ANKRD45: variants seen among roughly 807,000 people sequenced by gnomAD.
ANKRD45 encodes ankyrin repeat domain 45.
A neutral mutation model predicts 28.1 loss-of-function variants in ANKRD45; 21 were observed. The ratio of observed to expected loss-of-function variants is 0.75; its 90% CI spans 0.53 to 1.08. The LOEUF (loss-of-function observed/expected upper bound fraction) is 1.08. Ranked by LOEUF, ANKRD45 falls within the 50% of genes least tolerant of loss-of-function variation. ANKRD45 has a pLI of 0.00. For missense variants in ANKRD45, 261 were observed against 308.7 expected, an observed-to-expected ratio of 0.85 and a Z score of 1.16; for synonymous variants, 86 against 103.9, an observed-to-expected ratio of 0.83 and a Z score of 1.05.
the ANKRD45 span, among the ~76,000 whole-genome samples, chr1:173,708,323 C>T: frequency 6.6e-6 from 1 of 152,204 alleles, no homozygotes; most frequent in East Asian, 1.9e-4. Flanking sequence ...GCCATGAGGG[C>T]TCCACACTCA....
At chr1:173,686,562 C>A in the ANKRD45 span, among the ~76,000 whole-genome samples, 17 of 152,264 alleles carry the variant, frequency 1.1e-4, no homozygotes, top group African/African-American at 3.6e-4. Context: ...ACCAAAAAAT[C>A]TTGGGGTGGT....
chr1:173,695,062 C>T, the ANKRD45 span, among the ~76,000 whole-genome samples: 1 of 152,086 alleles, frequency 6.6e-6, no homozygotes, highest in Non-Finnish European at 1.5e-5. Flanking sequence ...AGTTCTCTGG[C>T]CCTTCCTACC....
chr1:173,691,190 C>T, the ANKRD45 span, among the ~76,000 whole-genome samples: 1 of 152,182 alleles, frequency 6.6e-6, no homozygotes, highest in Admixed American at 6.5e-5. Flanking sequence ...AGAGTCATTG[C>T]TGCAGTATGT....
chr1:173,646,794 A>C, intron 3 of ANKRD45, 52 bp downstream of exon 3: 2 of 1,570,822 alleles, frequency 1.3e-6, no homozygotes, highest in Non-Finnish European at 8.7e-7. Context: ...AACTCATAGG[A>C]GAAAAACTCA....
chr1:173,708,252 T>A, the ANKRD45 span, among the ~76,000 whole-genome samples: 1 of 152,234 alleles, frequency 6.6e-6, no homozygotes, highest in East Asian at 1.9e-4. Context: ...CCAAATTTCA[T>A]GTTGAAATGT....
At chr1:173,709,614 G>A in the ANKRD45 span, among the ~76,000 whole-genome samples, 2 of 151,776 alleles carry the variant, frequency 1.3e-5, 1 homozygote, top group Admixed American at 1.3e-4. Context: ...ACCATATCTG[G>A]GCACCCTACT....
At chr1:173,685,674 G>A in the ANKRD45 span, among the ~76,000 whole-genome samples, 1 of 152,132 alleles carries the variant, frequency 6.6e-6, no homozygotes, top group East Asian at 1.9e-4. Context: ...TGGAGGAGGA[G>A]CAATTTTTCC....
the ANKRD45 span, among the ~76,000 whole-genome samples, chr1:173,707,671 A>G: frequency 6.6e-6 from 1 of 152,200 alleles, no homozygotes; most frequent in Non-Finnish European, 1.5e-5. Flanking sequence ...ATATTTTCTT[A>G]TATTATTTTT....
intron 3 of ANKRD45, among the ~76,000 whole-genome samples, chr1:173,632,956 C>A (rs1211096011): frequency 6.6e-6 from 1 of 151,944 alleles, no homozygotes; most frequent in African/African-American, 2.4e-5. Context: ...AGAATGCCCA[C>A]TTTCACCACT....
At chr1:173,654,655 T>C (rs2102377605) in intron 2 of ANKRD45, among the ~76,000 whole-genome samples, 1 of 152,358 alleles carries the variant, frequency 6.6e-6, no homozygotes, top group African/African-American at 2.4e-5. Flanking sequence ...CCTTGCTAGG[T>C]TGGGGAAGTT....
chr1:173,632,484 C>T (rs1192024499), intron 3 of ANKRD45, among the ~76,000 whole-genome samples: 1 of 149,692 alleles, frequency 6.7e-6, no homozygotes, highest in Non-Finnish European at 1.5e-5. Flanking sequence ...ATACATTTTA[C>T]AGAGCCATTA....
chr1:173,611,856 A>G (rs891831684), intron 5 of ANKRD45, among the ~76,000 whole-genome samples: 5 of 152,190 alleles, frequency 3.3e-5, no homozygotes, highest in African/African-American at 9.7e-5. Flanking sequence ...AATCCAGAGA[A>G]TGGGAGGAAA....
intron 5 of ANKRD45, among the ~76,000 whole-genome samples, chr1:173,613,746 G>GCCA (rs1227536855): frequency 6.6e-6 from 1 of 152,182 alleles, no homozygotes; most frequent in Non-Finnish European, 1.5e-5. Context: ...CCTCTACCCG[G>GCCA]CCACCACCCC....
At chr1:173,694,530 G>T in the ANKRD45 span, among the ~76,000 whole-genome samples, 1 of 116,276 alleles carries the variant, frequency 8.6e-6, no homozygotes, top group African/African-American at 3.4e-5. Context: ...TGAAACTTAA[G>T]AAGTTTATTA....
At chr1:173,647,167 T>C (rs1399110907) in intron 2 of ANKRD45, among the ~76,000 whole-genome samples, 154 bp from the exon 3 acceptor site, 3 of 152,186 alleles carry the variant, frequency 2.0e-5, no homozygotes, top group Non-Finnish European at 4.4e-5. Flanking sequence ...CTCATTTAGT[T>C]TTATAAAACC....
chr1:173,703,933 C>T, the ANKRD45 span, among the ~76,000 whole-genome samples: 2 of 152,250 alleles, frequency 1.3e-5, no homozygotes, highest in Non-Finnish European at 2.9e-5. Flanking sequence ...AAATAGATTT[C>T]AGTTGTTAAA....
Position 173,624,831 on chromosome 1 carries a change from AGTT to A in ANKRD45, c.683_685del (p.Gln228del), listed in dbSNP as rs781604949. 2 of 1,613,844 alleles carry A rather than the reference AGTT, an allele frequency of 1.2e-6. No homozygotes were observed. The highest frequency in any genetic ancestry group is 8.5e-7 in the Non-Finnish European group (1 of 1,179,854). On this transcript the variant is annotated inframe_deletion, in exon 5 of 6. Coordinates refer to ENST00000333279, the MANE Select transcript of ANKRD45 (RefSeq NM_198493.3). ...GAAGATAGGAGTCACAATATCTTCC[AGTT>A]GTTGTCTCTGCTCAAAAAGCTCATT...
chr1:173,625,199 G>A (rs1321916497), intron 4 of ANKRD45, among the ~76,000 whole-genome samples: 3 of 152,018 alleles, frequency 2.0e-5, no homozygotes, highest in East Asian at 1.9e-4. Context: ...ATATTGGACA[G>A]TGCAGCTCTA....
chr1:173,663,087 A>ACACC (rs1553271095), intron 1 of ANKRD45, among the ~76,000 whole-genome samples: 12 of 143,408 alleles, frequency 8.4e-5, no homozygotes, highest in African/African-American at 2.9e-4. Context: ...ACACACACAC[A>ACACC]CACACCTTCT....
Sources: allele counts gnomAD v4.1 joint callset (sites outside exome capture counted in the v4.1 genomes callset), GRCh38; gene constraint gnomAD v4.1.1; transcripts MANE v1.5; gene names NCBI Gene and HGNC (gene_info 2026-07-23, HGNC 2026-07-21).